MROH9: variants seen among roughly 807,000 people sequenced by gnomAD.
The protein encoded by MROH9 is maestro heat like repeat family member 9, also known as maestro heat-like repeat-containing protein family member 9.
Under a neutral mutation model 98.2 loss-of-function variants are expected in MROH9, and 92 were observed. That is an observed-to-expected ratio of 0.94 (90% CI 0.79 to 1.11). The LOEUF (loss-of-function observed/expected upper bound fraction) is 1.11, where lower values mean the gene tolerates loss of function less well. Among genes scored for constraint, MROH9 ranks in the 50% most tolerant of loss-of-function variants. The pLI is 0.00. For missense variants in MROH9, 1,057 were observed against 1,014.8 expected, an observed-to-expected ratio of 1.04 and a Z score of -0.57; for synonymous variants, 397 against 368.9, an observed-to-expected ratio of 1.08 and a Z score of -0.87.
At chr1:170,938,933 C>T (rs780623368) in intron 1 of MROH9, among the ~76,000 whole-genome samples, 1 of 152,210 alleles carries the variant, frequency 6.6e-6, no homozygotes, top group Non-Finnish European at 1.5e-5. Context: ...GTCCATGTTG[C>T]TGGACCCATA....
intron 1 of MROH9, among the ~76,000 whole-genome samples, chr1:170,944,046 G>A (rs1381118990): frequency 6.6e-6 from 1 of 151,930 alleles, no homozygotes; most frequent in Non-Finnish European, 1.5e-5. Context: ...TAAGGGGAAA[G>A]TTAATAAATA....
intron 20 of MROH9, among the ~76,000 whole-genome samples, chr1:171,050,184 G>C (rs971876480): frequency 6.6e-6 from 1 of 152,102 alleles, no homozygotes; most frequent in African/African-American, 2.4e-5. Context: ...TTCTTTTGAA[G>C]ACTTACTAAA....
intron 17 of MROH9, among the ~76,000 whole-genome samples, chr1:171,019,961 A>T (rs1389798806): frequency 6.6e-6 from 1 of 152,192 alleles, no homozygotes; most frequent in African/African-American, 2.4e-5. Flanking sequence ...AGCACTGCAA[A>T]CTACCATCAG....
At chr1:170,939,364 C>T (rs1178935782) in intron 1 of MROH9, among the ~76,000 whole-genome samples, 1 of 152,168 alleles carries the variant, frequency 6.6e-6, no homozygotes, top group Non-Finnish European at 1.5e-5. Flanking sequence ...GGGGTTTTGC[C>T]CACTGGGAGT....
At chr1:170,965,435 G>A (rs915064447) in intron 7 of MROH9, among the ~76,000 whole-genome samples, 180 bp downstream of exon 7, 1 of 152,040 alleles carries the variant, frequency 6.6e-6, no homozygotes, top group Non-Finnish European at 1.5e-5. Context: ...AATCAGAACA[G>A]AGTTTCTCAA....
chr1:170,947,312 A>C (rs1471012433), intron 2 of MROH9, among the ~76,000 whole-genome samples: 1 of 151,926 alleles, frequency 6.6e-6, no homozygotes, highest in Non-Finnish European at 1.5e-5. Flanking sequence ...TTATTCTTTT[A>C]ATGTGCTGCC....
intron 3 of MROH9, among the ~76,000 whole-genome samples, chr1:170,950,566 G>A (rs1649511574): frequency 6.6e-6 from 1 of 152,104 alleles, no homozygotes; most frequent in African/African-American, 2.4e-5. Flanking sequence ...CAGGAAAGCA[G>A]TAACAACTGT....
At chr1:170,961,850 A>G in intron 5 of MROH9, 40 bp from the exon 6 acceptor site, 1 of 1,083,440 alleles carries the variant, frequency 9.2e-7, no homozygotes. Flanking sequence ...GTAAAATTTT[A>G]TCTAAGTCTG....
chr1:171,032,289 C>T (rs1426736874), intron 20 of MROH9, among the ~76,000 whole-genome samples: 1 of 152,188 alleles, frequency 6.6e-6, no homozygotes, highest in Non-Finnish European at 1.5e-5. Context: ...TCGATTCATC[C>T]ATCTGATCCT....
At chr1:170,960,591 C>T (rs1649980615) in intron 5 of MROH9, among the ~76,000 whole-genome samples, 1 of 152,124 alleles carries the variant, frequency 6.6e-6, no homozygotes, top group South Asian at 2.1e-4. Flanking sequence ...CTGTTTCCAT[C>T]TATTTACATA....
At chr1:170,959,733 T>C (rs1649941912) in intron 5 of MROH9, 136 bp downstream of exon 5, 1 of 686,196 alleles carries the variant, frequency 1.5e-6, no homozygotes. Context: ...AGGGCACTAA[T>C]CTATACCACT....
At chr1:171,010,149 C>G (rs1440203713) in intron 15 of MROH9, among the ~76,000 whole-genome samples, 2 of 152,086 alleles carry the variant, frequency 1.3e-5, no homozygotes, top group African/African-American at 4.8e-5. Context: ...CTCCTTATGT[C>G]CATGTGTTCT....
chr1:171,049,420 A>C (rs1040894672), intron 20 of MROH9, among the ~76,000 whole-genome samples: 1 of 152,124 alleles, frequency 6.6e-6, no homozygotes, highest in African/African-American at 2.4e-5. Flanking sequence ...GTTGTGAAGC[A>C]CTAAACTCAG....
At chr1:170,972,347 A>G (rs1469359814) in intron 8 of MROH9, among the ~76,000 whole-genome samples, 2 of 152,206 alleles carry the variant, frequency 1.3e-5, no homozygotes, top group Non-Finnish European at 2.9e-5. Flanking sequence ...GTATTAAGCT[A>G]TTTCCAAGTA....
intron 9 of MROH9, 29 bp from the exon 10 acceptor site, chr1:170,986,532 G>A (rs754366862): frequency 3.1e-6 from 5 of 1,604,486 alleles, no homozygotes; most frequent in African/African-American, 2.7e-5. Flanking sequence ...AGTAAGGCCT[G>A]AGGTCATGAT....
chr1:171,042,707 A>T (rs926949303), intron 20 of MROH9, among the ~76,000 whole-genome samples: 1 of 152,102 alleles, frequency 6.6e-6, no homozygotes, highest in Non-Finnish European at 1.5e-5. Flanking sequence ...ATGTCATTGT[A>T]GTTTTGATTT....
At chr1:171,023,709 C>T (rs1337454579) in intron 17 of MROH9, among the ~76,000 whole-genome samples, 1 of 152,016 alleles carries the variant, frequency 6.6e-6, no homozygotes, top group Non-Finnish European at 1.5e-5. Context: ...TTAAATCAAA[C>T]AAAATTAACA....
intron 15 of MROH9, among the ~76,000 whole-genome samples, chr1:171,010,936 T>C (rs763039670): frequency 1.3e-4 from 20 of 152,228 alleles, no homozygotes; most frequent in Non-Finnish European, 2.5e-4. Context: ...GTGCAGAAGC[T>C]CTTTAGTTTA....
At chr1:171,055,202 G>C (rs1215022380) in intron 20 of MROH9, among the ~76,000 whole-genome samples, 1 of 152,166 alleles carries the variant, frequency 6.6e-6, no homozygotes, top group Non-Finnish European at 1.5e-5. Flanking sequence ...TGAAATAATG[G>C]CATTTGCAGC....
Sources: allele counts gnomAD v4.1 joint callset (sites outside exome capture counted in the v4.1 genomes callset), GRCh38; gene constraint gnomAD v4.1.1; transcripts MANE v1.5; gene names NCBI Gene and HGNC (gene_info 2026-07-23, HGNC 2026-07-21).